NPNT: variants seen among roughly 807,000 people sequenced by gnomAD.
The protein encoded by NPNT is nephronectin, also known as preosteoblast EGF-like repeat protein with MAM domain.
Under a neutral mutation model 68.6 loss-of-function variants are expected in NPNT, and 45 were observed. The observed-to-expected ratio is 0.66, with a 90% CI of 0.52 to 0.84. NPNT has a LOEUF of 0.84. Among genes scored for constraint, NPNT ranks in the 40% least tolerant of loss-of-function variants. The pLI, the probability that NPNT is intolerant of heterozygous loss-of-function variation, is 0.00. For synonymous variants in NPNT, 233 were observed against 253.3 expected, an observed-to-expected ratio of 0.92 and a Z score of 0.76; for missense variants, 672 against 714.8, an observed-to-expected ratio of 0.94 and a Z score of 0.68.
At chr4:105,927,464 G>A in intron 3 of NPNT, 36 bp downstream of exon 3, 2 of 1,277,068 alleles carry the variant, frequency 1.6e-6, no homozygotes, top group South Asian at 1.2e-5. Context: ...CACAATCGAA[G>A]ACACCTCTAT....
intron 2 of NPNT, among the ~76,000 whole-genome samples, chr4:105,898,873 C>G (rs1377441316): frequency 1.3e-5 from 2 of 152,028 alleles, no homozygotes; most frequent in Non-Finnish European, 2.9e-5. Context: ...TCCAGAGCAC[C>G]CTTAGAGTGC....
At chr4:105,927,609 C>T in intron 3 of NPNT, 181 bp downstream of exon 3, 1 of 359,442 alleles carries the variant, frequency 2.8e-6, no homozygotes, top group Non-Finnish European at 5.0e-6. Context: ...TATCAAAGGA[C>T]AATTAAACAA....
chr4:105,963,722 A>C (rs138165661), intron 10 of NPNT, among the ~76,000 whole-genome samples: 1 of 151,016 alleles, frequency 6.6e-6, no homozygotes, highest in Non-Finnish European at 1.5e-5. Flanking sequence ...TCTGTCTGCC[A>C]CTGATAGCTA....
intron 2 of NPNT, 70 bp downstream of exon 2, chr4:105,898,071 C>A: frequency 9.6e-7 from 1 of 1,040,694 alleles, no homozygotes; most frequent in Non-Finnish European, 1.4e-6. Flanking sequence ...TGGCTTCACC[C>A]CACATATCAG....
chr4:105,951,274 T>C (rs2149390210), intron 8 of NPNT, among the ~76,000 whole-genome samples: 1 of 152,342 alleles, frequency 6.6e-6, no homozygotes, highest in South Asian at 2.1e-4. Flanking sequence ...TCAGGTGCTC[T>C]TATGAGTGGC....
intron 10 of NPNT, among the ~76,000 whole-genome samples, chr4:105,962,595 G>C (rs1311098413): frequency 1.3e-5 from 2 of 152,110 alleles, no homozygotes; most frequent in African/African-American, 4.8e-5. Flanking sequence ...CTCTAAACCA[G>C]CTCTGAGAGC....
At chr4:105,928,755 A>G (rs943012077) in intron 3 of NPNT, among the ~76,000 whole-genome samples, 7 of 140,332 alleles carry the variant, frequency 5.0e-5, no homozygotes, top group South Asian at 5.1e-4. Context: ...TATACTCCCT[A>G]TCATCTTAAA....
intron 6 of NPNT, 67 bp from the exon 7 acceptor site, chr4:105,940,447 A>G (rs1266859323): frequency 1.4e-6 from 2 of 1,473,764 alleles, no homozygotes; most frequent in East Asian, 2.3e-5. Context: ...TTGAAACTGT[A>G]TATATTTTTT....
At chr4:105,960,121 C>A (rs1731601880) in intron 10 of NPNT, among the ~76,000 whole-genome samples, 1 of 152,154 alleles carries the variant, frequency 6.6e-6, no homozygotes, top group Non-Finnish European at 1.5e-5. Context: ...GAAGTTAAAT[C>A]TTTTATGGAT....
chr4:105,940,647 C>G lies in NPNT; in HGVS notation c.763+11C>G, dbSNP rs754672055. ...GACTGACTTGTGTGTGTGAGTAGCA[C>G]TTGTCTCTCAGCTTTAAATTCTAGC... On this transcript the variant is annotated intron_variant, in intron 7 of 11. Transcript: ENST00000379987. The G allele has an allele frequency of 5.0e-6, 8 of 1,611,066 alleles. No individual in the cohort carries two copies. In the Admixed American group the frequency reaches 1.0e-4, roughly 20 times the overall value.
intron 2 of NPNT, among the ~76,000 whole-genome samples, chr4:105,899,363 T>C (rs921641649): frequency 6.6e-6 from 1 of 152,158 alleles, no homozygotes; most frequent in Non-Finnish European, 1.5e-5. Flanking sequence ...AAATGAGTAG[T>C]TCTATACCTG....
chr4:105,958,583 C>G (rs776911755), intron 9 of NPNT, 26 bp downstream of exon 9: 2 of 1,238,604 alleles, frequency 1.6e-6, no homozygotes, highest in Non-Finnish European at 2.3e-6. Flanking sequence ...TTAGTGCCAT[C>G]ATAATGACAT....
Position 105,899,995 on chromosome 4 carries a change from T to C in NPNT, c.172+1994T>C, listed in dbSNP as rs551701455. Among the ~76,000 whole-genome samples, 50 of 152,358 alleles carry C rather than the reference T, an allele frequency of 3.3e-4. 1 individual carries two copies. In the South Asian group the frequency reaches 0.01, roughly 31 times the overall value. On this transcript the variant is annotated intron_variant, in intron 2 of 11. Transcript: ENST00000379987. ...AAACTCTTGATTATTTTAAAGAAAGTCTTTATGAAATTAAAAGTTTTGTCA... is the reference window on the plus strand; with the variant it reads ...AAACTCTTGATTATTTTAAAGAAAGCCTTTATGAAATTAAAAGTTTTGTCA...
intron 2 of NPNT, among the ~76,000 whole-genome samples, chr4:105,922,129 G>A (rs1175324546): frequency 2.6e-5 from 4 of 151,974 alleles, no homozygotes; most frequent in African/African-American, 7.2e-5. Context: ...TCCTTCTCAA[G>A]TTACTAACTA....
Position 105,967,457 on chromosome 4 carries a change from A to C in NPNT, c.1602+13A>C. ...TGACATCAAGAGCGTAAGTAGATCC[A>C]CAAAGGAGGCAGGACCTGGGACGTT... On this transcript the variant is annotated intron_variant, in intron 11 of 11. Coordinates refer to ENST00000379987, the MANE Select transcript of NPNT (RefSeq NM_001033047.3). The C allele has an allele frequency of 6.5e-7, 1 of 1,541,734 alleles. No individual in the cohort carries two copies. Among genetic ancestry groups the C allele is most frequent in the Non-Finnish European group, 8.7e-7 (1 of 1,147,548 alleles).
intron 3 of NPNT, among the ~76,000 whole-genome samples, chr4:105,931,780 C>T (rs1004617357): frequency 2.6e-5 from 4 of 151,854 alleles, no homozygotes; most frequent in African/African-American, 9.7e-5. Flanking sequence ...GCGGAGCTTG[C>T]AGTGAGCCAA....
At chr4:105,933,917 G>A (rs1010861416) in intron 3 of NPNT, among the ~76,000 whole-genome samples, 35 of 152,128 alleles carry the variant, frequency 2.3e-4, no homozygotes, top group African/African-American at 8.0e-4. Context: ...GCATTTGAAT[G>A]TAAGTGGTTT....
intron 8 of NPNT, among the ~76,000 whole-genome samples, chr4:105,957,438 AT>A (rs1314360547): frequency 4.6e-5 from 7 of 152,138 alleles, no homozygotes; most frequent in Non-Finnish European, 1.0e-4. Flanking sequence ...GAAATCAATT[AT>A]TTTTTTAAAG....
chr4:105,911,491 T>A (rs1727359778), intron 2 of NPNT: 1 of 152,290 alleles, frequency 6.6e-6, no homozygotes, highest in South Asian at 2.1e-4. Flanking sequence ...ACCTCTAAAA[T>A]CTCTAGGTTG....
Sources: gnomAD v4.1 joint callset for allele counts (sites outside exome capture counted in the v4.1 genomes callset) on GRCh38, gnomAD v4.1.1 for gene constraint, MANE v1.5 for transcripts, NCBI Gene and HGNC (gene_info 2026-07-23, HGNC 2026-07-21) for gene names.